Variants in PDS5A observed in about 807,000 individuals in gnomAD.
PDS5A encodes sister chromatid cohesion protein PDS5 homolog A.
PDS5A carries 42 observed loss-of-function variants against 167.1 expected under a neutral mutation model. The ratio of observed to expected loss-of-function variants is 0.25; its 90% confidence interval spans 0.20 to 0.33. The LOEUF (loss-of-function observed/expected upper bound fraction) is 0.33, where lower values mean the gene tolerates loss of function less well. Ranked by LOEUF, PDS5A falls within the 10% of genes least tolerant of loss-of-function variation. PDS5A has a pLI of 1.00. For synonymous variants in PDS5A, 553 were observed against 554.6 expected, an observed-to-expected ratio of 1.00 and a Z score of 0.04; for missense variants, 1,033 against 1,605.9, an observed-to-expected ratio of 0.64 and a Z score of 6.10.
chr4:39,945,630 T>G (rs760462305), intron 2 of PDS5A, among the ~76,000 whole-genome samples: 83 of 152,058 alleles, frequency 5.5e-4, no homozygotes, highest in Non-Finnish European at 1.3e-4. Context: ...TTATAACTAC[T>G]AAGTGATTAT....
At chr4:39,833,084 G>T (rs1716056951) in intron 32 of PDS5A, among the ~76,000 whole-genome samples, 1 of 149,000 alleles carries the variant, frequency 6.7e-6, no homozygotes, top group Admixed American at 6.7e-5. Context: ...CCAGATACTA[G>T]GGAGGCTGAG....
At chr4:39,832,484 G>T (rs1362352663) in intron 32 of PDS5A, among the ~76,000 whole-genome samples, 3 of 152,078 alleles carry the variant, frequency 2.0e-5, no homozygotes, top group African/African-American at 7.2e-5. Context: ...TGAGATTATA[G>T]GCATGAGCCA....
chr4:39,974,647 C>T (rs1309200830), intron 2 of PDS5A, among the ~76,000 whole-genome samples: 3 of 152,036 alleles, frequency 2.0e-5, no homozygotes, highest in African/African-American at 4.8e-5. Flanking sequence ...CGGGTTCAAG[C>T]GATTCTCCTG....
At chr4:39,886,122 C>T (rs1358555467) in intron 17 of PDS5A, among the ~76,000 whole-genome samples, 2 of 152,086 alleles carry the variant, frequency 1.3e-5, no homozygotes, top group East Asian at 1.9e-4. Context: ...CAGAAATGAG[C>T]GGGCCAAAAA....
At chr4:39,973,361 C>A in intron 2 of PDS5A, 1 of 1,604,696 alleles carries the variant, frequency 6.2e-7, no homozygotes, top group Non-Finnish European at 8.5e-7. Flanking sequence ...TGTGGCTGTG[C>A]ATTAAGATGT....
intron 32 of PDS5A, among the ~76,000 whole-genome samples, chr4:39,834,042 C>T (rs546194628): frequency 1.3e-5 from 2 of 152,198 alleles, no homozygotes; most frequent in African/African-American, 4.8e-5. Context: ...AGTACAATCC[C>T]GAAGACAAAG....
rs938959243 is a variant in PDS5A at position 39,847,037 on chromosome 4, C to T, written c.3340-1157G>A. 6 of 151,912 alleles carry T rather than the reference C, an allele frequency of 3.9e-5. No individual in the cohort carries two copies. In the East Asian group the frequency reaches 5.8e-4, roughly 15 times the overall value. 9.4% of individuals were successfully genotyped at this position (151,912 alleles called of 1,614,324 possible). A position where few individuals can be genotyped will look rare whatever the true frequency, so the allele number is the denominator to read the frequency against. On this transcript the variant is annotated intron_variant, in intron 28 of 32. Transcript: ENST00000303538. ...TTCTAGGGTTTATGAATTTATAACACATTAAAAGCAACATGTTACATAAAT... is the reference window on the plus strand; with the variant it reads ...TTCTAGGGTTTATGAATTTATAACATATTAAAAGCAACATGTTACATAAAT...
At chr4:39,951,189 G>A (rs1054321684) in intron 2 of PDS5A, among the ~76,000 whole-genome samples, 1 of 152,048 alleles carries the variant, frequency 6.6e-6, no homozygotes, top group Admixed American at 6.6e-5. Flanking sequence ...CACTCCATCT[G>A]GCCTCTGTTC....
intron 31 of PDS5A, among the ~76,000 whole-genome samples, chr4:39,841,519 T>G (rs562611779): frequency 6.6e-6 from 1 of 151,726 alleles, no homozygotes; most frequent in South Asian, 2.1e-4. Context: ...ACAAATTTTT[T>G]TTTTTTTTTT....
At chr4:39,836,140 C>G (rs766463728) in intron 32 of PDS5A, among the ~76,000 whole-genome samples, 4 of 152,160 alleles carry the variant, frequency 2.6e-5, no homozygotes, top group Non-Finnish European at 5.9e-5. Flanking sequence ...CCATTTAATT[C>G]GTAGAGCAAC....
chr4:39,904,568 A>G (rs1001856944), intron 11 of PDS5A, among the ~76,000 whole-genome samples: 1 of 152,092 alleles, frequency 6.6e-6, no homozygotes, highest in Non-Finnish European at 1.5e-5. Context: ...TCCTGACCTC[A>G]TGATCCGCCC....
chr4:39,936,843 G>A (rs1432985571), intron 2 of PDS5A: 1 of 152,184 alleles, frequency 6.6e-6, no homozygotes, highest in Non-Finnish European at 1.5e-5. Context: ...GGGAATACCA[G>A]GTGCTGTGAG....
At chr4:39,931,296 T>C (rs767523601) in intron 2 of PDS5A, among the ~76,000 whole-genome samples, 3 of 152,144 alleles carry the variant, frequency 2.0e-5, no homozygotes, top group South Asian at 2.1e-4. Flanking sequence ...GATTTTGCCA[T>C]ATGGTGCCCA....
At chr4:39,913,570 A>G in intron 9 of PDS5A, 41 bp downstream of exon 9, 1 of 1,116,894 alleles carries the variant, frequency 9.0e-7, no homozygotes, top group Non-Finnish European at 1.4e-6. Flanking sequence ...CCTACTGACT[A>G]TTTTCTAAAA....
intron 9 of PDS5A, among the ~76,000 whole-genome samples, chr4:39,912,896 A>G (rs985675208): frequency 1.3e-5 from 2 of 152,194 alleles, no homozygotes; most frequent in South Asian, 4.1e-4. Flanking sequence ...ATACCAAATT[A>G]GTTAAAACAC....
At chr4:39,838,360 G>A (rs961442912) in intron 31 of PDS5A, among the ~76,000 whole-genome samples, 152 bp from the exon 32 acceptor site, 1 of 152,244 alleles carries the variant, frequency 6.6e-6, no homozygotes, top group African/African-American at 2.4e-5. Flanking sequence ...TAAGCTCCTT[G>A]AGGAGAGTGA....
chr4:39,864,703 T>C lies in PDS5A; in HGVS notation c.2643-1244A>G, dbSNP rs994392186. 2.6e-5 allele frequency among the ~76,000 whole-genome samples: 4 copies of C among 152,196 alleles called. No homozygotes were observed. In the East Asian group the frequency reaches 7.7e-4, roughly 29 times the overall value. ...GAGCCTCAAATGGTTTCTATGGCAT[T>C]CATTCAGGAATCAAAGTTAATAGCT... On this transcript the variant is annotated intron_variant, in intron 23 of 32. Coordinates refer to ENST00000303538, the MANE Select transcript of PDS5A (RefSeq NM_001100399.2).
chr4:39,906,408 T>C (rs1336421852), intron 11 of PDS5A, among the ~76,000 whole-genome samples: 2 of 152,048 alleles, frequency 1.3e-5, no homozygotes, highest in South Asian at 2.1e-4. Context: ...GTAAGTGAAC[T>C]TCCTTACGTT....
chr4:39,894,331 C>A (rs959445220), intron 16 of PDS5A, among the ~76,000 whole-genome samples: 5 of 151,834 alleles, frequency 3.3e-5, no homozygotes, highest in Admixed American at 3.3e-4. Flanking sequence ...TCATTTGAGC[C>A]CTAGATGCAG....
Sources: allele counts gnomAD v4.1 joint callset (sites outside exome capture counted in the v4.1 genomes callset), GRCh38; gene constraint gnomAD v4.1.1; transcripts MANE v1.5; gene names NCBI Gene and HGNC (gene_info 2026-07-23, HGNC 2026-07-21).